The following TMPRSS6 variants were observed in gnomAD, a reference collection of about 807,000 sequenced individuals.
The protein encoded by TMPRSS6 is transmembrane protease serine 6.
In TMPRSS6, 67 loss-of-function variants were observed where a neutral mutation model predicts 101.5. That is an observed-to-expected ratio of 0.66 (90% CI 0.54 to 0.81). TMPRSS6 has a LOEUF of 0.81. Ranked by LOEUF, TMPRSS6 falls within the 30% of genes least tolerant of loss-of-function variation. TMPRSS6 has a pLI of 0.00. For missense variants in TMPRSS6, 1,034 were observed against 1,088.7 expected (o/e 0.95, Z 0.71); for synonymous variants, 453 against 464.9 (o/e 0.97, Z 0.33).
At chr22:37,070,436 C>T (rs1926776917) in intron 15 of TMPRSS6, 48 bp downstream of exon 15, 1 of 1,611,210 alleles carries the variant, frequency 6.2e-7, no homozygotes. Context: ...ACCGGGCCTT[C>T]CCTGCCCTTG....
chr22:37,091,600 G>A (rs1929269655), intron 6 of TMPRSS6, among the ~76,000 whole-genome samples: 1 of 152,224 alleles, frequency 6.6e-6, no homozygotes, highest in African/African-American at 2.4e-5. Context: ...AGGCTGCAGT[G>A]AGCCAGTCTC....
At position 37,066,128 on chromosome 22, in the gene TMPRSS6, G is replaced by A. The variant is rs760219512; in HGVS notation, c.2361C>T (p.Tyr787=). 1 of 1,613,534 alleles carries A rather than the reference G, an allele frequency of 6.2e-7. No individual in the cohort carries two copies. The highest frequency in any genetic ancestry group is 1.3e-5 in the African/African-American group (1 of 75,056). ...AGCTGATCACACCTGTGATGCGGGT[G>A]TAGACGCCGAAGTAGTTAGGCCGGC... ...GCGRPNYFGV[Y]TRITGVISWI... Residue 787 remains tyrosine (Y), a synonymous_variant, in exon 18 of 18, where the codon TAC becomes TAT. Coordinates refer to ENST00000676104, the MANE Select transcript of TMPRSS6 (RefSeq NM_001374504.1).
chr22:37,067,329 G>A (rs1019060856), intron 16 of TMPRSS6, among the ~76,000 whole-genome samples: 1 of 152,142 alleles, frequency 6.6e-6, no homozygotes, highest in Non-Finnish European at 1.5e-5. Context: ...AATTAGCTGG[G>A]TGTGGTGGCA....
chr22:37,066,945 G>C lies in TMPRSS6; in HGVS notation c.2131C>G (p.Leu711Val), dbSNP rs1027524510. 1 of 1,614,168 alleles carries C rather than the reference G, an allele frequency of 6.2e-7. No individual in the cohort carries two copies. Among genetic ancestry groups the C allele is most frequent in the East Asian group, 2.2e-5 (1 of 44,884 alleles). The change falls in exon 17 of 18, where the codon CTG becomes GTG. Residue 711 changes from leucine to valine, a missense_variant. Transcript: ENST00000676104. ...ATCAACTGCACATCCACTTTCTGCAGAGCGTTGCTGATGGGGCCTGTCCGT... is the reference window on the plus strand; with the variant it reads ...ATCAACTGCACATCCACTTTCTGCACAGCGTTGCTGATGGGGCCTGTCCGT... ...LREGGPISNA[L>V]QKVDVQLIPQ... is the part of the protein sequence containing the mutation.
Position 37,084,366 on chromosome 22 carries a change from A to G in TMPRSS6, c.1125T>C (p.Asp375=). 6.2e-7 allele frequency: 1 copy of G among 1,613,336 alleles called. No individual in the cohort carries two copies. The highest frequency in any genetic ancestry group is 8.5e-7 in the Non-Finnish European group (1 of 1,179,648). The change falls in exon 10 of 18, where the codon GAT becomes GAC. Residue 375 remains aspartate, a synonymous_variant. Coordinates refer to ENST00000676104, the MANE Select transcript of TMPRSS6 (RefSeq NM_001374504.1). ...ACTTCTGCCTCCTCAGTGCATAGGC[A>G]TCAAACCAGAGGGCCAAGCCGTAGT... ...SLDYGLALWF[D]AYALRRQKYD...
chr22:37,069,460 A>C lies in TMPRSS6; in HGVS notation c.1842-116T>G. The C allele has an allele frequency of 1.9e-6, 2 of 1,029,652 alleles. No individual in the cohort carries two copies. Among genetic ancestry groups the C allele is most frequent in the Non-Finnish European group, 2.8e-6 (2 of 710,284 alleles). The allele number at this position is 1,029,652 out of a possible 1,614,324, so 63.8% of individuals were successfully genotyped here. ...CCCCGCCCGGGACAGTGCCCTCCAC[A>C]CCCAGCCCTCCCTTCCCTCCCTGAA... On this transcript the variant is annotated intron_variant, in intron 15 of 17. Coordinates refer to ENST00000676104, the MANE Select transcript of TMPRSS6 (RefSeq NM_001374504.1). The surrounding 1 kb of genome is among the most constrained non-coding windows in gnomAD (Gnocchi z 4.8).
chr22:37,072,276 C>CATGGATGGATGGATG (rs1250439735), intron 13 of TMPRSS6, among the ~76,000 whole-genome samples: 3 of 43,114 alleles, frequency 7.0e-5, no homozygotes, highest in Non-Finnish European at 1.0e-4. Context: ...TGGATGGTTG[C>CATGGATGGATGGATG]ATGGATGGAT....
chr22:37,088,824 C>G (rs887013976), intron 7 of TMPRSS6, among the ~76,000 whole-genome samples: 1 of 152,362 alleles, frequency 6.6e-6, no homozygotes, highest in South Asian at 2.1e-4. Context: ...GTGCTAGGCA[C>G]TCACTATGTG....
At chr22:37,073,747 T>A (rs1183310179) in intron 12 of TMPRSS6, 102 bp from the exon 13 acceptor site, 2 of 787,298 alleles carry the variant, frequency 2.5e-6, no homozygotes, top group East Asian at 2.4e-5. Flanking sequence ...ACGTTACCAA[T>A]CACAAATCTC....
At chr22:37,070,441 C>A (rs1283074243) in intron 15 of TMPRSS6, 43 bp downstream of exon 15, 1 of 1,612,132 alleles carries the variant, frequency 6.2e-7, no homozygotes, top group Non-Finnish European at 8.5e-7. Context: ...GCCTTCCCTG[C>A]CCTTGTCTCT....
At chr22:37,075,468 C>T (rs112316746) in intron 10 of TMPRSS6, among the ~76,000 whole-genome samples, 188 bp from the exon 11 acceptor site, 3,374 of 152,308 alleles carry the variant, frequency 0.022, 41 homozygotes, top group Non-Finnish European at 0.027. Context: ...CCTGGCTATG[C>T]CACTGCCCTG....
chr22:37,072,453 T>TGATGGATG (rs200830764), intron 13 of TMPRSS6, among the ~76,000 whole-genome samples: 1,748 of 93,656 alleles, frequency 0.019, 48 homozygotes, highest in African/African-American at 0.024. Context: ...GATGGATGGA[T>TGATGGATG]GATGGATGGA....
rs754819966 is a variant in TMPRSS6 at position 37,066,969 on chromosome 22, G to C, written c.2114-7C>G. ...AGAGCGTTGCTGATGGGGCCTGTCCGTGGTCAAGGGCAGAAGTGAGATCTC... is the reference window on the plus strand; with the variant it reads ...AGAGCGTTGCTGATGGGGCCTGTCCCTGGTCAAGGGCAGAAGTGAGATCTC... On this transcript the variant is annotated splice_polypyrimidine_tract_variant and splice_region_variant and intron_variant, in intron 16 of 17. Transcript: ENST00000676104. 8.2e-5 allele frequency: 133 copies of C among 1,613,988 alleles called. No individual in the cohort carries two copies. The highest frequency in any genetic ancestry group is 1.1e-4 in the Non-Finnish European group (133 of 1,180,016).
intron 11 of TMPRSS6, 35 bp downstream of exon 11, chr22:37,075,100 C>T (rs2146064181): frequency 2.5e-6 from 4 of 1,613,662 alleles, no homozygotes; most frequent in Non-Finnish European, 3.4e-6. Context: ...GGCAGCGAGT[C>T]ACTGCAGGGG....
chr22:37,105,063 C>T (rs575899702), intron 1 of TMPRSS6, among the ~76,000 whole-genome samples: 6 of 152,260 alleles, frequency 3.9e-5, no homozygotes, highest in East Asian at 1.9e-4. Flanking sequence ...TTTCCAAAAA[C>T]GGGGCTCTTT....
In TMPRSS6 at chr22:37,084,105, A is replaced by G. The variant is rs899112768; in HGVS notation, c.1196+190T>C. 7 of 627,036 alleles carry G rather than the reference A, an allele frequency of 1.1e-5. No individual in the cohort carries two copies. The South Asian group carries it at 1.4e-4, about 12-fold the overall frequency. 38.8% of individuals were successfully genotyped at this position (627,036 alleles called of 1,614,324 possible). A position where few individuals can be genotyped will look rare whatever the true frequency, so the allele number is the denominator to read the frequency against. ...GGTAGCCAGAGGGGAAGCCGGGGCC[A>G]GGGCGGAGGCTGGGACGAGGACAAG... On this transcript the variant is annotated intron_variant, in intron 10 of 17. Transcript: ENST00000676104.
At chr22:37,092,791 C>T (rs886180213) in intron 6 of TMPRSS6, among the ~76,000 whole-genome samples, 7 of 152,230 alleles carry the variant, frequency 4.6e-5, no homozygotes, top group African/African-American at 1.7e-4. Flanking sequence ...CCACCACGCC[C>T]GGCCCATGCC....
At chr22:37,096,769 C>T (rs1929802764) in intron 3 of TMPRSS6, 54 bp from the exon 4 acceptor site, 2 of 1,528,760 alleles carry the variant, frequency 1.3e-6, no homozygotes, top group Non-Finnish European at 1.8e-6. Context: ...CAGACAGGCC[C>T]ACTTCCTACC....
Position 37,089,674 on chromosome 22 carries a change from A to T in TMPRSS6, c.740T>A (p.Met247Lys), listed in dbSNP as rs187591080. 1.2e-6 allele frequency: 2 copies of T among 1,612,754 alleles called. No individual in the cohort carries two copies. The highest frequency in any genetic ancestry group is 4.5e-5 in the East Asian group (2 of 44,850). The change falls in exon 7 of 18, where the codon ATG becomes AAG. Residue 247 changes from methionine to lysine, a missense_variant. Met to Lys is a moderately conservative substitution (Grantham distance 95, BLOSUM62 -1). Transcript: ENST00000676104. ...LWHLQGPKDLMLKLRLEWTLA... is the reference protein window; with the variant it reads ...LWHLQGPKDLKLKLRLEWTLA... ...CGTCCACTCCAGCCGGAGTTTGAGC[A>T]TGAGGTCCTTGGGGCCCTGCAGGTG...
Sources: gnomAD v4.1 joint callset for allele counts (sites outside exome capture counted in the v4.1 genomes callset) on GRCh38, gnomAD v4.1.1 for gene constraint, Gnocchi (gnomAD v3.1) non-coding constraint, MANE v1.5 for transcripts, NCBI Gene and HGNC (gene_info 2026-07-23, HGNC 2026-07-21) for gene names.